LRMDA: variants seen among roughly 807,000 people sequenced by gnomAD.
LRMDA encodes the protein leucine rich melanocyte differentiation associated, also known as leucine-rich melanocyte differentiation-associated protein.
In LRMDA, 18 loss-of-function variants were observed where a neutral mutation model predicts 29.8. That is an observed-to-expected ratio of 0.60 (90% CI 0.42 to 0.90). The LOEUF (loss-of-function observed/expected upper bound fraction) is 0.90, where lower values mean the gene tolerates loss of function less well. Ranked by LOEUF, LRMDA falls within the 40% of genes least tolerant of loss-of-function variation. LRMDA has a pLI of 0.00. For synonymous variants in LRMDA, 125 were observed against 109.4 expected (o/e 1.14, Z -0.89); for missense variants, 273 against 273.9 (o/e 1.00, Z 0.02).
At chr10:76,078,245 G>C (rs529500746) in intron 5 of LRMDA, among the ~76,000 whole-genome samples, 2 of 151,398 alleles carry the variant, frequency 1.3e-5, no homozygotes, top group Non-Finnish European at 1.5e-5. Flanking sequence ...TCCTGACCTC[G>C]TGATCTGCCC....
chr10:76,000,979 G>T (rs1359452933), intron 2 of LRMDA, among the ~76,000 whole-genome samples: 1 of 152,130 alleles, frequency 6.6e-6, no homozygotes, highest in East Asian at 1.9e-4. Context: ...CACCTTGTAT[G>T]TGTGCCAGGC....
intron 5 of LRMDA, among the ~76,000 whole-genome samples, chr10:76,264,604 A>C (rs1839984306): frequency 6.6e-6 from 1 of 152,052 alleles, no homozygotes; most frequent in Admixed American, 6.6e-5. Flanking sequence ...TTGCTCTCTT[A>C]AATTCCAGCT....
chr10:76,183,128 C>T (rs947996314), intron 5 of LRMDA, among the ~76,000 whole-genome samples: 6 of 152,184 alleles, frequency 3.9e-5, no homozygotes, highest in Non-Finnish European at 1.5e-5. Flanking sequence ...AGACAGCCCT[C>T]AACTTTCTTC....
intron 2 of LRMDA, among the ~76,000 whole-genome samples, chr10:75,921,928 G>A (rs1052069534): frequency 6.6e-6 from 1 of 152,124 alleles, no homozygotes; most frequent in Non-Finnish European, 1.5e-5. Context: ...ACTTATTAAT[G>A]TGTCTTAACA....
intron 6 of LRMDA, among the ~76,000 whole-genome samples, chr10:76,553,504 G>A (rs889424957): frequency 2.6e-5 from 4 of 152,202 alleles, no homozygotes; most frequent in African/African-American, 9.6e-5. Context: ...GCCATGGCGG[G>A]AGAAGAAGGG....
At chr10:76,104,178 A>G (rs1351623961) in intron 5 of LRMDA, among the ~76,000 whole-genome samples, 3 of 151,880 alleles carry the variant, frequency 2.0e-5, no homozygotes, top group African/African-American at 7.3e-5. Flanking sequence ...ATGTCTGTCT[A>G]CCACTAGAAT....
intron 2 of LRMDA, among the ~76,000 whole-genome samples, chr10:75,778,388 A>G (rs1385474931): frequency 6.6e-6 from 1 of 151,994 alleles, no homozygotes; most frequent in African/African-American, 2.4e-5. Context: ...TTGTCCGTCT[A>G]TTTTTTAAGT....
At chr10:75,466,011 C>T (rs1334548491) in intron 2 of LRMDA, among the ~76,000 whole-genome samples, 5 of 152,224 alleles carry the variant, frequency 3.3e-5, no homozygotes, top group Admixed American at 3.3e-4. Flanking sequence ...AGGCACTGCC[C>T]ATCCATGGGG....
chr10:76,139,911 T>G (rs1168914009), intron 5 of LRMDA, among the ~76,000 whole-genome samples: 1 of 152,136 alleles, frequency 6.6e-6, no homozygotes, highest in African/African-American at 2.4e-5. Context: ...GGAGCATGTT[T>G]AGGAGGGACA....
At chr10:76,309,063 T>G (rs1363980407) in intron 5 of LRMDA, among the ~76,000 whole-genome samples, 1 of 152,174 alleles carries the variant, frequency 6.6e-6, no homozygotes, top group Non-Finnish European at 1.5e-5. Flanking sequence ...AATTTGCCTT[T>G]GCCCAGCTTT....
intron 2 of LRMDA, among the ~76,000 whole-genome samples, chr10:76,015,511 G>A (rs1328211608): frequency 6.6e-6 from 1 of 152,210 alleles, no homozygotes; most frequent in African/African-American, 2.4e-5. Flanking sequence ...GGAGAGAGAA[G>A]GAGAGGCCCA....
At position 75,596,275 on chromosome 10, in the gene LRMDA, G is replaced by A. The variant is rs137866345; in HGVS notation, c.131+157781G>A. Among the ~76,000 whole-genome samples the A allele has an allele frequency of 9.8e-3, 1,492 of 152,254 alleles. 22 individuals carry two copies. Among genetic ancestry groups the A allele is most frequent in the African/African-American group, 0.032 (1,343 of 41,552 alleles). Reference sequence around the variant, plus strand: ...AAGTAAAAAAGCCAGGATTTAAAACGAAAATGTCCAGTCCTGGTATCTGCA... The same window carrying A: ...AAGTAAAAAAGCCAGGATTTAAAACAAAAATGTCCAGTCCTGGTATCTGCA... On this transcript the variant is annotated intron_variant, in intron 2 of 6. Coordinates refer to ENST00000611255, the MANE Select transcript of LRMDA (RefSeq NM_001305581.2).
At chr10:76,093,039 GTTA>G (rs1330396819) in intron 5 of LRMDA, among the ~76,000 whole-genome samples, 1 of 152,006 alleles carries the variant, frequency 6.6e-6, no homozygotes, top group Non-Finnish European at 1.5e-5. Context: ...GAGAGTTATT[GTTA>G]TTATTATTTT....
chr10:75,960,231 A>G (rs1412917026), intron 2 of LRMDA, among the ~76,000 whole-genome samples: 1 of 152,256 alleles, frequency 6.6e-6, no homozygotes, highest in East Asian at 1.9e-4. Flanking sequence ...AGTGTGAATA[A>G]CTGATTACTT....
At chr10:75,706,431 A>G (rs539935727) in intron 2 of LRMDA, among the ~76,000 whole-genome samples, 1 of 152,308 alleles carries the variant, frequency 6.6e-6, no homozygotes, top group South Asian at 2.1e-4. Flanking sequence ...GTTTCTCCAA[A>G]GTTTTGGGCT....
intron 5 of LRMDA, among the ~76,000 whole-genome samples, chr10:76,127,093 C>A (rs573268408): frequency 2.0e-5 from 3 of 152,282 alleles, no homozygotes; most frequent in Admixed American, 6.5e-5. Flanking sequence ...CCATTATGAG[C>A]GCTGACATTG....
chr10:75,440,762 G>A (rs773095914), intron 2 of LRMDA, among the ~76,000 whole-genome samples: 5 of 152,156 alleles, frequency 3.3e-5, no homozygotes, highest in South Asian at 2.1e-4. Flanking sequence ...GAGGCCGGAC[G>A]TGGTGGCTCA....
intron 2 of LRMDA, among the ~76,000 whole-genome samples, chr10:75,916,648 G>A (rs1564606036): frequency 1.3e-5 from 2 of 152,172 alleles, no homozygotes; most frequent in Non-Finnish European, 2.9e-5. Context: ...ATACAGTGAA[G>A]GGAAGTAACC....
At chr10:76,362,835 A>G (rs558207824) in intron 6 of LRMDA, among the ~76,000 whole-genome samples, 53 of 152,102 alleles carry the variant, frequency 3.5e-4, no homozygotes, top group African/African-American at 1.1e-3. Context: ...TGATCCTTCT[A>G]TAAGTATTAA....
Sources: gnomAD v4.1 joint callset for allele counts (sites outside exome capture counted in the v4.1 genomes callset) on GRCh38, gnomAD v4.1.1 for gene constraint, MANE v1.5 for transcripts, NCBI Gene and HGNC (gene_info 2026-07-23, HGNC 2026-07-21) for gene names.